Variants in PCDHGA1 observed in about 807,000 individuals in gnomAD.
PCDHGA1 encodes the protein protocadherin gamma-A1.
A neutral mutation model predicts 58.0 loss-of-function variants in PCDHGA1; 32 were observed. That is an observed-to-expected ratio of 0.55 (90% CI 0.42 to 0.74). The LOEUF (loss-of-function observed/expected upper bound fraction) is 0.74. Ranked by LOEUF, PCDHGA1 falls within the 30% of genes least tolerant of loss-of-function variation. The pLI is 0.00. For synonymous variants in PCDHGA1, 498 were observed against 501.1 expected, an observed-to-expected ratio of 0.99 and a Z score of 0.08; for missense variants, 1,205 against 1,182.3, an observed-to-expected ratio of 1.02 and a Z score of -0.28.
At position 141,361,737 on chromosome 5, in the gene PCDHGA1, C is replaced by T. The variant is rs10062250; in HGVS notation, c.2421+28632C>T. On this transcript the variant is annotated intron_variant, in intron 1 of 3. Coordinates refer to ENST00000517417, the MANE Select transcript of PCDHGA1 (RefSeq NM_018912.3). Reference sequence around the variant, plus strand: ...GCGCCTTCGAGCTCACACTGCAGGCCCGCGACCAGGGCTCGCCCGCGCTCA... The same window carrying T: ...GCGCCTTCGAGCTCACACTGCAGGCTCGCGACCAGGGCTCGCCCGCGCTCA... 1,285 of 1,613,162 alleles carry T rather than the reference C, an allele frequency of 8.0e-4. 14 individuals are homozygous for T. In the African/African-American group the frequency reaches 0.015, roughly 19 times the overall value.
chr5:141,380,538 A>G (rs1365489089), intron 1 of PCDHGA1, among the ~76,000 whole-genome samples: 3 of 152,246 alleles, frequency 2.0e-5, no homozygotes, highest in Non-Finnish European at 4.4e-5. Flanking sequence ...TCAATTTGAT[A>G]CAATGAGCTT....
Position 141,485,814 on chromosome 5 carries a change from C to T in PCDHGA1, c.2422-8993C>T, listed in dbSNP as rs2099619616. 7.4e-6 allele frequency: 12 copies of T among 1,613,982 alleles called. No individual in the cohort carries two copies. The East Asian group carries it at 2.2e-4, about 30-fold the overall frequency. On this transcript the variant is annotated intron_variant, in intron 1 of 3. Coordinates refer to ENST00000517417, the MANE Select transcript of PCDHGA1 (RefSeq NM_018912.3). This position sits in a 1 kb window ranked among gnomAD's most constrained non-coding sequence, Gnocchi z 5.7. ...TCGGACTACCGCCTGGTGCTGACTG[C>T]TGTCGATGGAGGGAACCCGCCGAGA...
intron 1 of PCDHGA1, among the ~76,000 whole-genome samples, chr5:141,381,798 CTCTTTCTT>C (rs372235829): frequency 6.9e-5 from 10 of 144,174 alleles, no homozygotes; most frequent in South Asian, 6.6e-4. Flanking sequence ...AGGCAATTCC[CTCTTTCTT>C]TCTTTCTTTC....
intron 1 of PCDHGA1, chr5:141,397,972 G>T: frequency 2.6e-6 from 3 of 1,155,564 alleles, no homozygotes; most frequent in Non-Finnish European, 3.6e-6. Flanking sequence ...ACTCCCCAGC[G>T]CCGGCCTTTA....
intron 1 of PCDHGA1, among the ~76,000 whole-genome samples, chr5:141,454,658 G>T (rs961640658): frequency 1.3e-5 from 2 of 151,812 alleles, no homozygotes; most frequent in Non-Finnish European, 2.9e-5. Flanking sequence ...TGCCCACCTC[G>T]GCCTCCCAAA....
chr5:141,356,771 A>G (rs900722489), intron 1 of PCDHGA1: 2 of 1,613,906 alleles, frequency 1.2e-6, no homozygotes, highest in African/African-American at 1.3e-5. Context: ...GACTATGAGC[A>G]GTTTAGAGAC....
intron 1 of PCDHGA1, chr5:141,350,784 T>A (rs1561498371): frequency 1.2e-6 from 2 of 1,613,248 alleles, no homozygotes; most frequent in Non-Finnish European, 1.7e-6. Context: ...AATCAATACT[T>A]CTCTCTGTCA....
Position 141,432,530 on chromosome 5 carries a change from G to C in PCDHGA1, c.2422-62277G>C. On this transcript the variant is annotated intron_variant, in intron 1 of 3. Transcript: ENST00000517417. This position sits in a 1 kb window ranked among gnomAD's most constrained non-coding sequence, Gnocchi z 6.0. ...AGAGCCCGGCTACCTGGTGACCAAG[G>C]TGGTGGCGGTGGACAGAGACTCCGG... 6.2e-7 allele frequency: 1 copy of C among 1,614,076 alleles called. No homozygotes were observed. Among genetic ancestry groups the C allele is most frequent in the South Asian group, 1.1e-5 (1 of 91,082 alleles).
intron 1 of PCDHGA1, among the ~76,000 whole-genome samples, chr5:141,469,484 A>AGAATCGCT (rs1279677032): frequency 6.6e-6 from 1 of 152,074 alleles, no homozygotes; most frequent in African/African-American, 2.4e-5. Flanking sequence ...CTGAGGCAGG[A>AGAATCGCT]GAATCGCTTG....
chr5:141,361,214 C>A, intron 1 of PCDHGA1: 1 of 1,613,912 alleles, frequency 6.2e-7, no homozygotes, highest in Non-Finnish European at 8.5e-7. Context: ...CCGGAGGATT[C>A]GCCACCAGGA....
chr5:141,356,033 C>A (rs766818568), intron 1 of PCDHGA1: 1 of 1,613,946 alleles, frequency 6.2e-7, no homozygotes, highest in Non-Finnish European at 8.5e-7. Context: ...GGAGACGTGA[C>A]GTATTCTTTC....
At chr5:141,375,730 C>T in intron 1 of PCDHGA1, 3 of 1,614,266 alleles carry the variant, frequency 1.9e-6, no homozygotes, top group Non-Finnish European at 2.5e-6. Context: ...TGTCACTGAG[C>T]CTGTTTGTGC....
At position 141,489,852 on chromosome 5, in the gene PCDHGA1, C is replaced by G. The variant is rs1197191101; in HGVS notation, c.2422-4955C>G. ...TAGAGCAGCAGCTGGATCGTGAAGC[C>G]CAGGCAAGACATCAGCTGGTGCTTA... On this transcript the variant is annotated intron_variant, in intron 1 of 3. Transcript: ENST00000517417. This position sits in a 1 kb window ranked among gnomAD's most constrained non-coding sequence, Gnocchi z 4.5. The G allele has an allele frequency of 6.2e-7, 1 of 1,614,034 alleles. No homozygotes were observed. Among genetic ancestry groups the G allele is most frequent in the Admixed American group, 1.7e-5 (1 of 60,004 alleles).
chr5:141,449,147 G>T (rs2098630156), intron 1 of PCDHGA1, among the ~76,000 whole-genome samples: 1 of 152,110 alleles, frequency 6.6e-6, no homozygotes, highest in African/African-American at 2.4e-5. Flanking sequence ...AAATTGCTGG[G>T]TCAAAGAGGA....
At chr5:141,355,102 C>T in intron 1 of PCDHGA1, 1 of 1,501,220 alleles carries the variant, frequency 6.7e-7, no homozygotes, top group Non-Finnish European at 8.9e-7. Flanking sequence ...AGAGCTCTGG[C>T]TGTGAATGCA....
At chr5:141,426,029 A>G (rs576464127) in intron 1 of PCDHGA1, among the ~76,000 whole-genome samples, 13 of 152,216 alleles carry the variant, frequency 8.5e-5, no homozygotes, top group Non-Finnish European at 1.9e-4. Flanking sequence ...AAATAGACTC[A>G]GAGCCCTGCT....
intron 1 of PCDHGA1, chr5:141,344,578 T>A: frequency 6.2e-7 from 1 of 1,614,006 alleles, no homozygotes; most frequent in Non-Finnish European, 8.5e-7. Context: ...TCTCTGGCTG[T>A]GAATAGCGTC....
intron 1 of PCDHGA1, among the ~76,000 whole-genome samples, chr5:141,459,324 T>G (rs2098966238): frequency 6.6e-6 from 1 of 152,226 alleles, no homozygotes; most frequent in African/African-American, 2.4e-5. Flanking sequence ...ATCCATCTTC[T>G]TTTACTCCAA....
chr5:141,336,682 A>T (rs1332362106), intron 1 of PCDHGA1, among the ~76,000 whole-genome samples: 1 of 152,126 alleles, frequency 6.6e-6, no homozygotes, highest in Non-Finnish European at 1.5e-5. Flanking sequence ...AAACTATACA[A>T]CTCTTAGAAG....
Sources: gnomAD v4.1 joint callset for allele counts (sites outside exome capture counted in the v4.1 genomes callset) on GRCh38, gnomAD v4.1.1 for gene constraint, Gnocchi (gnomAD v3.1) non-coding constraint, MANE v1.5 for transcripts, NCBI Gene and HGNC (gene_info 2026-07-23, HGNC 2026-07-21) for gene names.